The following SPAG16 variants were observed in gnomAD, a reference collection of about 807,000 sequenced individuals.
SPAG16 encodes sperm-associated antigen 16 protein.
Under a neutral mutation model 80.4 loss-of-function variants are expected in SPAG16, and 86 were observed. The ratio of observed to expected loss-of-function variants is 1.07; its 90% CI spans 0.90 to 1.28. The LOEUF is 1.28. Ranked by LOEUF, SPAG16 falls within the 50% of genes most tolerant of loss-of-function variation. SPAG16 has a pLI of 0.00. For missense variants in SPAG16, 870 were observed against 765.3 expected (o/e 1.14, Z -1.61); for synonymous variants, 294 against 265.9 (o/e 1.11, Z -1.03).
chr2:214,394,597 T>C (rs1701259785), intron 15 of SPAG16, among the ~76,000 whole-genome samples: 1 of 152,196 alleles, frequency 6.6e-6, no homozygotes, highest in African/African-American at 2.4e-5. Context: ...TTTAGATCAG[T>C]TTTAGTTTCA....
chr2:213,756,789 A>G (rs2068362406), intron 10 of SPAG16, among the ~76,000 whole-genome samples: 1 of 152,174 alleles, frequency 6.6e-6, no homozygotes, highest in African/African-American at 2.4e-5. Flanking sequence ...ATATGAAGAA[A>G]GTAAAGCTTT....
intron 10 of SPAG16, among the ~76,000 whole-genome samples, chr2:213,801,853 T>C (rs537663935): frequency 6.6e-6 from 1 of 152,348 alleles, no homozygotes; most frequent in East Asian, 1.9e-4. Flanking sequence ...ACCAATTGTA[T>C]AATGTGAATA....
At chr2:213,353,235 A>T (rs753911542) in intron 7 of SPAG16, among the ~76,000 whole-genome samples, 1 of 152,174 alleles carries the variant, frequency 6.6e-6, no homozygotes, top group Non-Finnish European at 1.5e-5. Context: ...CTCTGCCACA[A>T]TATCTGTGAA....
intron 15 of SPAG16, among the ~76,000 whole-genome samples, chr2:214,377,841 C>CCCCTCAAACATAT (rs1226885767): frequency 6.6e-6 from 1 of 152,144 alleles, no homozygotes; most frequent in African/African-American, 2.4e-5. Context: ...ACAATAATGG[C>CCCCTCAAACATAT]CCCTCAAACA....
At chr2:214,242,501 AT>A (rs1272567821) in intron 15 of SPAG16, among the ~76,000 whole-genome samples, 3 of 152,174 alleles carry the variant, frequency 2.0e-5, no homozygotes, top group African/African-American at 4.8e-5. Context: ...TTGAATTTGC[AT>A]TTTTTTCCAG....
At chr2:213,397,741 C>G (rs183208158) in intron 9 of SPAG16, among the ~76,000 whole-genome samples, 3 of 152,242 alleles carry the variant, frequency 2.0e-5, no homozygotes, top group Admixed American at 6.5e-5. Flanking sequence ...TCCCTACCCC[C>G]CGAATCTCTG....
At chr2:213,405,308 A>C (rs1209308390) in intron 9 of SPAG16, among the ~76,000 whole-genome samples, 1 of 152,160 alleles carries the variant, frequency 6.6e-6, no homozygotes, top group African/African-American at 2.4e-5. Context: ...TAATCCATGG[A>C]GGAAAATTAT....
At chr2:213,820,025 G>A (rs1369309395) in intron 10 of SPAG16, among the ~76,000 whole-genome samples, 1 of 147,720 alleles carries the variant, frequency 6.8e-6, no homozygotes, top group Non-Finnish European at 1.5e-5. Flanking sequence ...TGATCCACCT[G>A]CCTCGGCCTC....
chr2:213,527,140 G>A (rs968895357), intron 10 of SPAG16, among the ~76,000 whole-genome samples: 3 of 152,192 alleles, frequency 2.0e-5, no homozygotes, highest in African/African-American at 7.2e-5. Context: ...CTGCCAAGGA[G>A]GATGTGTAGT....
chr2:213,991,182 G>A (rs961590377), intron 12 of SPAG16, among the ~76,000 whole-genome samples: 8 of 151,992 alleles, frequency 5.3e-5, no homozygotes, highest in Non-Finnish European at 1.2e-4. Context: ...GCCCTGGTGT[G>A]TGATGTTCCC....
chr2:214,014,496 TC>T (rs1033940830), intron 13 of SPAG16, among the ~76,000 whole-genome samples: 3 of 152,176 alleles, frequency 2.0e-5, no homozygotes, highest in African/African-American at 4.8e-5. Flanking sequence ...GGAGGAGGAT[TC>T]ATATCTGCTG....
At chr2:214,065,077 T>C (rs2050469294) in intron 13 of SPAG16, among the ~76,000 whole-genome samples, 1 of 152,048 alleles carries the variant, frequency 6.6e-6, no homozygotes, top group Non-Finnish European at 1.5e-5. Context: ...AAAGTTGATA[T>C]AAATATTATC....
intron 13 of SPAG16, among the ~76,000 whole-genome samples, chr2:214,090,463 C>T (rs964302560): frequency 1.3e-5 from 2 of 151,618 alleles, no homozygotes. Flanking sequence ...GTCATTAATA[C>T]GTCTCAATCA....
chr2:214,002,698 C>A (rs1249775348), intron 12 of SPAG16, among the ~76,000 whole-genome samples: 1 of 152,146 alleles, frequency 6.6e-6, no homozygotes, highest in African/African-American at 2.4e-5. Context: ...GCCTGAGAAC[C>A]AGGAGCTCTG....
chr2:213,755,620 G>A (rs569638653), intron 10 of SPAG16, among the ~76,000 whole-genome samples: 12 of 152,214 alleles, frequency 7.9e-5, no homozygotes, highest in South Asian at 4.1e-4. Context: ...GAATAGAATC[G>A]TAACAAGGAC....
intron 10 of SPAG16, among the ~76,000 whole-genome samples, chr2:213,593,051 G>GA: frequency 6.6e-6 from 1 of 152,008 alleles, no homozygotes; most frequent in Non-Finnish European, 1.5e-5. Flanking sequence ...TCTGATTAGG[G>GA]AAAAACTCAA....
At chr2:213,983,524 T>G (rs759626733) in intron 12 of SPAG16, among the ~76,000 whole-genome samples, 12 of 152,028 alleles carry the variant, frequency 7.9e-5, no homozygotes, top group Non-Finnish European at 1.5e-4. Flanking sequence ...CTTCTTATAC[T>G]GTATAATTCA....
chr2:213,871,869 CACACACACACAGAGAG>C (rs1358484973), intron 11 of SPAG16, among the ~76,000 whole-genome samples: 2 of 108,058 alleles, frequency 1.9e-5, no homozygotes, highest in African/African-American at 6.5e-5. Context: ...CACACACACA[CACACACACACAGAGAG>C]AGAGAGAGAG....
At chr2:213,378,307 A>G (rs2066997189) in intron 9 of SPAG16, among the ~76,000 whole-genome samples, 1 of 152,168 alleles carries the variant, frequency 6.6e-6, no homozygotes, top group Non-Finnish European at 1.5e-5. Context: ...CCTTCAATTC[A>G]GTCAAGTTGA....
Sources: allele counts gnomAD v4.1 joint callset (sites outside exome capture counted in the v4.1 genomes callset), GRCh38; gene constraint gnomAD v4.1.1; transcripts MANE v1.5; gene names NCBI Gene and HGNC (gene_info 2026-07-23, HGNC 2026-07-21).